Variants in ASMTL observed in about 807,000 individuals in gnomAD.
The protein encoded by ASMTL is probable bifunctional dTTP/UTP pyrophosphatase/methyltransferase protein.
A neutral mutation model predicts 60.3 loss-of-function variants in ASMTL; 57 were observed. The observed-to-expected ratio is 0.95, with a 90% CI of 0.76 to 1.18. The LOEUF is 1.18. Among genes scored for constraint, ASMTL ranks in the 50% most tolerant of loss-of-function variants. The probability of loss-of-function intolerance (pLI) is 0.00; values close to 1 mark genes in which losing one functional copy is unlikely to be tolerated. For missense variants in ASMTL, 981 were observed against 852.6 expected (o/e 1.15, Z -1.88); for synonymous variants, 419 against 373.0 (o/e 1.12, Z -1.42).
intron 11 of ASMTL, among the ~76,000 whole-genome samples, chrX:1,416,509 G>A (rs1156917389): frequency 8.3e-5 from 11 of 132,932 alleles, no homozygotes; most frequent in African/African-American, 2.9e-4. Context: ...ACACACACAC[G>A]GATGCAGACA....
intron 3 of ASMTL, among the ~76,000 whole-genome samples, chrX:1,436,457 A>C (rs1348414556): frequency 2.0e-5 from 3 of 152,082 alleles, no homozygotes; most frequent in African/African-American, 4.8e-5. Context: ...GGTTCACGCC[A>C]TTCTCCTGCC....
chrX:1,403,438 G>A lies in ASMTL; in HGVS notation c.1697C>T (p.Ala566Val), dbSNP rs191726330. The A allele has an allele frequency of 2.1e-4, 341 of 1,613,256 alleles. No homozygotes were observed. The highest frequency in any genetic ancestry group is 1.8e-3 in the Admixed American group (106 of 60,014). The part of the protein sequence containing the change: ...ETLLDEEKRV[A>V]QRALMQSLNM... ...CAGTGACTGCATCAGGGCGCGCTGC[G>A]CCACCCTCTTCTCCTCATCCAGGAG... The change falls in exon 13 of 13, where the codon GCG becomes GTG. Residue 566 changes from alanine (A) to valine (V), a missense_variant. By Grantham distance (64) the Ala-to-Val change is moderately conservative. Transcript: ENST00000381317.
chrX:1,435,080 C>T lies in ASMTL; in HGVS notation c.342G>A (p.Leu114=), dbSNP rs2090924214. 6.2e-7 allele frequency: 1 copy of T among 1,613,884 alleles called. No individual in the cohort carries two copies. The highest frequency in any genetic ancestry group is 1.3e-5 in the African/African-American group (1 of 74,922). ...TGAACACGCTGTGTTCTCTCCCACT[C>T]AACCTGTAAGACAACAACGGGTGAC... ...KQDAYRMLSR[L]SGREHSVFTG... Residue 114 remains leucine, a synonymous_variant, in exon 5 of 13, where the codon TTG becomes TTA. Coordinates refer to ENST00000381317, the MANE Select transcript of ASMTL (RefSeq NM_004192.4).
intron 4 of ASMTL, 172 bp from the exon 5 acceptor site, chrX:1,435,255 G>T: frequency 1.4e-6 from 1 of 717,754 alleles, no homozygotes; most frequent in Non-Finnish European, 2.4e-6. Flanking sequence ...TTTACGGAGA[G>T]GCCGAGGGAA....
At chrX:1,414,803 G>A (rs5025693) in intron 11 of ASMTL, among the ~76,000 whole-genome samples, 141,251 of 152,104 alleles carry the variant, frequency 0.93, 66,269 homozygotes, top group East Asian at 1. Context: ...TAGGGTGGTT[G>A]CGTTTTGTTT....
At chrX:1,439,761 A>C (rs1206558283) in intron 2 of ASMTL, among the ~76,000 whole-genome samples, 1 of 149,360 alleles carries the variant, frequency 6.7e-6, no homozygotes, top group African/African-American at 2.5e-5. Context: ...GCTTGAACCT[A>C]GGAGGCGGAG....
intron 12 of ASMTL, among the ~76,000 whole-genome samples, chrX:1,407,684 A>G (rs1365551918): frequency 1.3e-5 from 2 of 150,456 alleles, no homozygotes; most frequent in African/African-American, 4.9e-5. Context: ...AGGAGTTTGA[A>G]ACCAACCTGA....
intron 1 of ASMTL, among the ~76,000 whole-genome samples, chrX:1,446,192 C>T (rs2091227309): frequency 6.6e-6 from 1 of 152,214 alleles, no homozygotes; most frequent in Admixed American, 6.5e-5. Flanking sequence ...TCCTCTCTCT[C>T]TCTGCCTCGG....
intron 2 of ASMTL, among the ~76,000 whole-genome samples, chrX:1,440,280 CG>C (rs1569534518): frequency 1.3e-5 from 2 of 151,950 alleles, no homozygotes; most frequent in Non-Finnish European, 2.9e-5. Context: ...TTAGTACAGA[CG>C]GGGTTTCACC....
intron 3 of ASMTL, among the ~76,000 whole-genome samples, chrX:1,436,391 C>G: frequency 6.6e-6 from 1 of 152,120 alleles, no homozygotes; most frequent in South Asian, 2.1e-4. Flanking sequence ...CTCGCTCTAT[C>G]ACCCAGGCTG....
intron 11 of ASMTL, among the ~76,000 whole-genome samples, chrX:1,416,846 C>T (rs768404257): frequency 9.7e-4 from 147 of 151,278 alleles, no homozygotes; most frequent in African/African-American, 3.3e-3. Context: ...CACAGACATG[C>T]ACACACAGAC....
At chrX:1,451,114 CT>C (rs1475769029) in intron 1 of ASMTL, among the ~76,000 whole-genome samples, 20 of 128,756 alleles carry the variant, frequency 1.6e-4, no homozygotes, top group African/African-American at 5.4e-4. Context: ...CTAGGCGGTC[CT>C]GGATCACTCT....
At chrX:1,439,337 G>A (rs766069663) in intron 2 of ASMTL, among the ~76,000 whole-genome samples, 193 bp from the exon 3 acceptor site, 1 of 152,174 alleles carries the variant, frequency 6.6e-6, no homozygotes, top group South Asian at 2.1e-4. Context: ...TGCAGGGGCT[G>A]GAACGTGGGT....
At chrX:1,428,694 T>C (rs2090684583) in intron 6 of ASMTL, among the ~76,000 whole-genome samples, 1 of 81,094 alleles carries the variant, frequency 1.2e-5, no homozygotes, top group Middle Eastern at 5.3e-3. Flanking sequence ...ATGGGATGTT[T>C]TGACATATGT....
chrX:1,412,267 G>A (rs1488510213), intron 12 of ASMTL, among the ~76,000 whole-genome samples: 22 of 150,324 alleles, frequency 1.5e-4, no homozygotes, highest in African/African-American at 4.9e-4. Context: ...TCACTCCGTC[G>A]CCCAGGCTGG....
chrX:1,429,520 AG>A, intron 6 of ASMTL, among the ~76,000 whole-genome samples: 1 of 151,224 alleles, frequency 6.6e-6, no homozygotes, highest in African/African-American at 2.4e-5. Flanking sequence ...ATGAAAGTGC[AG>A]GTGTTGGGCT....
intron 1 of ASMTL, among the ~76,000 whole-genome samples, chrX:1,451,888 C>T (rs1408164088): frequency 2.7e-5 from 3 of 111,326 alleles, no homozygotes; most frequent in Non-Finnish European, 5.7e-5. Flanking sequence ...CCATCCCTAG[C>T]GGTCCTGGGT....
rs777494539 is a variant in ASMTL at position 1,417,646 on chromosome X, CACAG to C, written c.1522+323_1522+326del. Among the ~76,000 whole-genome samples, 111 of 151,962 alleles carry C rather than the reference CACAG, an allele frequency of 7.3e-4. No homozygotes were observed. In the South Asian group the frequency reaches 8.3e-3, roughly 11 times the overall value. On this transcript the variant is annotated intron_variant, in intron 11 of 12. Coordinates refer to ENST00000381317, the MANE Select transcript of ASMTL (RefSeq NM_004192.4). ...ACACAGACATGCACACATATACCCA[CACAG>C]ACACACACACATACTCTCACAGAAA...
chrX:1,404,389 G>C (rs1313006360), intron 12 of ASMTL, among the ~76,000 whole-genome samples: 1 of 149,792 alleles, frequency 6.7e-6, no homozygotes, highest in Non-Finnish European at 1.5e-5. Context: ...TAGATGATGG[G>C]TAGGTAGGTG....
Sources: allele counts gnomAD v4.1 joint callset (sites outside exome capture counted in the v4.1 genomes callset), GRCh38; gene constraint gnomAD v4.1.1; transcripts MANE v1.5; gene names NCBI Gene and HGNC (gene_info 2026-07-23, HGNC 2026-07-21).